The following SLC38A6 variants were observed in gnomAD, a reference collection of about 807,000 sequenced individuals.
SLC38A6 encodes N system amino acid transporter NAT-1.
Under a neutral mutation model 65.0 loss-of-function variants are expected in SLC38A6, and 73 were observed. The observed-to-expected ratio is 1.12, with a 90% CI of 0.93 to 1.37. The LOEUF (loss-of-function observed/expected upper bound fraction) is 1.37. SLC38A6 is among the 40% of genes most tolerant of loss of function. The pLI, the probability that SLC38A6 is intolerant of heterozygous loss-of-function variation, is 0.00. For synonymous variants in SLC38A6, 183 were observed against 178.8 expected (o/e 1.02, Z -0.19); for missense variants, 561 against 531.1 (o/e 1.06, Z -0.55).
chr14:61,021,174 C>T (rs2040325875), intron 5 of SLC38A6, among the ~76,000 whole-genome samples: 1 of 152,104 alleles, frequency 6.6e-6, no homozygotes, highest in Non-Finnish European at 1.5e-5. Context: ...ACTCCCAGCA[C>T]CTATTACACC....
intron 3 of SLC38A6, among the ~76,000 whole-genome samples, chr14:60,986,383 G>A (rs2037450902): frequency 6.6e-6 from 1 of 152,190 alleles, no homozygotes; most frequent in Non-Finnish European, 1.5e-5. Flanking sequence ...ACTTGTACCA[G>A]TGCTTTGGCC....
chr14:61,027,228 TAA>T (rs2040658643), intron 5 of SLC38A6, among the ~76,000 whole-genome samples: 1 of 152,182 alleles, frequency 6.6e-6, no homozygotes, highest in Non-Finnish European at 1.5e-5. Flanking sequence ...CCTATTTAGT[TAA>T]TGTGCTAAAA....
At chr14:61,023,071 T>G (rs1413425909) in intron 5 of SLC38A6, among the ~76,000 whole-genome samples, 3 of 152,206 alleles carry the variant, frequency 2.0e-5, no homozygotes, top group Non-Finnish European at 4.4e-5. Flanking sequence ...ATAAGTAGTA[T>G]TTGTTGAATG....
intron 15 of SLC38A6, among the ~76,000 whole-genome samples, chr14:61,070,167 G>A (rs1050876355): frequency 1.1e-4 from 16 of 152,100 alleles, no homozygotes; most frequent in African/African-American, 2.7e-4. Context: ...TTTTTCATCC[G>A]GCATGACTAA....
downstream of SLC38A6, among the ~76,000 whole-genome samples, chr14:61,053,865 CTT>C (rs1037011040): frequency 1.3e-5 from 2 of 151,946 alleles, no homozygotes; most frequent in African/African-American, 4.8e-5. Flanking sequence ...TGCAGAAGCT[CTT>C]AAGTTTAATT....
rs146465480 is a variant in SLC38A6, at chr14:60,982,178, A to C, written c.106-330A>C. On this transcript the variant is annotated intron_variant, in intron 1 of 15. Coordinates refer to ENST00000267488, the MANE Select transcript of SLC38A6 (RefSeq NM_153811.3). ...AATTCTTTAGTAATCACATGAGCTGAGGCCTTATCCCTCCTCTCTCTCCCC... is the reference window on the plus strand; with the variant it reads ...AATTCTTTAGTAATCACATGAGCTGCGGCCTTATCCCTCCTCTCTCTCCCC... 252 of 468,404 alleles carry C rather than the reference A, an allele frequency of 5.4e-4. 1 individual carries two copies. The highest frequency in any genetic ancestry group is 4.7e-3 in the African/African-American group (238 of 50,710). The allele number at this position is 468,404 out of a possible 1,614,324, so 29.0% of individuals were successfully genotyped here.
At chr14:61,042,561 G>T (rs574971472) in intron 8 of SLC38A6, among the ~76,000 whole-genome samples, 74 of 151,600 alleles carry the variant, frequency 4.9e-4, no homozygotes, top group African/African-American at 1.4e-3. Context: ...TGTTTTTTTT[G>T]TTTGTTTGTT....
rs1435747640 is a variant in SLC38A6 at position 61,083,395 on chromosome 14, A to G, written c.1409-160A>G. 2.0e-5 allele frequency among the ~76,000 whole-genome samples: 3 copies of G among 152,146 alleles called. No homozygotes were observed. The East Asian group carries it at 5.8e-4, about 29-fold the overall frequency. The stretch of plus-strand genomic sequence containing the variant: ...CCTTCATTGCTATTAGCTGTTATGC[A>G]CTCAATTGTGTTCCAACCCCAAATT... On this transcript the variant is annotated intron_variant, in intron 16 of 16. Coordinates refer to the SLC38A6 transcript ENST00000354886.
At chr14:60,997,779 T>A (rs2038399545) in intron 3 of SLC38A6, among the ~76,000 whole-genome samples, 1 of 152,138 alleles carries the variant, frequency 6.6e-6, no homozygotes, top group Non-Finnish European at 1.5e-5. Context: ...AAAGGAGAAG[T>A]AGATGTCTGG....
chr14:61,037,265 T>C (rs2041457677), intron 7 of SLC38A6, 124 bp downstream of exon 7: 2 of 682,562 alleles, frequency 2.9e-6, no homozygotes, highest in Non-Finnish European at 4.8e-6. Context: ...AGGATGGTGG[T>C]TGTGTATAAT....
At chr14:61,063,725 G>A (rs1363870776) in intron 15 of SLC38A6, among the ~76,000 whole-genome samples, 1 of 152,010 alleles carries the variant, frequency 6.6e-6, no homozygotes, top group Non-Finnish European at 1.5e-5. Flanking sequence ...AGCAACTGGA[G>A]AACAGTGTAG....
At position 61,051,932 on chromosome 14, in the gene SLC38A6, G is replaced by A; in HGVS notation, c.1195+1G>A. ...ATTAGAAATGTATTTGGTGTAGTTG[G>A]TAAGTTTTCTGTTTCAAAAAGTTCA... On this transcript the variant is annotated splice_donor_variant, in intron 14 of 15. Transcript: ENST00000267488. LOFTEE classifies it high-confidence loss of function. 1.2e-6 allele frequency: 2 copies of A among 1,605,820 alleles called. No homozygotes were observed. The highest frequency in any genetic ancestry group is 8.5e-7 in the Non-Finnish European group (1 of 1,177,812).
At chr14:61,075,692 C>G (rs1252774401) in intron 15 of SLC38A6, among the ~76,000 whole-genome samples, 3 of 151,976 alleles carry the variant, frequency 2.0e-5, no homozygotes, top group Admixed American at 2.0e-4. Flanking sequence ...AACATTTCCC[C>G]TTACGGTCAT....
Position 61,037,680 on chromosome 14 carries a change from T to C in SLC38A6, c.621T>C (p.Leu207=). 6.3e-7 allele frequency: 1 copy of C among 1,581,008 alleles called. No individual in the cohort carries two copies. Among genetic ancestry groups the C allele is most frequent in the Non-Finnish European group, 8.6e-7 (1 of 1,156,468 alleles). The change falls in exon 8 of 16, where the codon CTT becomes CTC. Residue 207 remains leucine, a synonymous_variant. Coordinates refer to ENST00000267488, the MANE Select transcript of SLC38A6 (RefSeq NM_153811.3). ...LSFFFMMFFA[L]VVIIKKWSIP... Reference sequence around the variant, plus strand: ...TTTTCTTTATGATGTTCTTTGCTCTTGTGGTAAGTTTAAAATATAATACAT... The same window carrying C: ...TTTTCTTTATGATGTTCTTTGCTCTCGTGGTAAGTTTAAAATATAATACAT...
At chr14:61,010,464 A>G (rs1255006287) in intron 3 of SLC38A6, among the ~76,000 whole-genome samples, 1 of 152,212 alleles carries the variant, frequency 6.6e-6, no homozygotes. Context: ...GCCCATGCCT[A>G]TGTCCTGAAT....
At chr14:61,010,069 C>T (rs2039440114) in intron 3 of SLC38A6, among the ~76,000 whole-genome samples, 1 of 152,188 alleles carries the variant, frequency 6.6e-6, no homozygotes, top group Non-Finnish European at 1.5e-5. Flanking sequence ...TTAATGATTG[C>T]CATTCTAACT....
intron 3 of SLC38A6, among the ~76,000 whole-genome samples, chr14:61,010,466 G>A (rs1289746943): frequency 2.6e-5 from 4 of 152,198 alleles, no homozygotes; most frequent in Admixed American, 6.5e-5. Flanking sequence ...CCATGCCTAT[G>A]TCCTGAATGG....
At chr14:60,994,933 G>A (rs2038170868) in intron 3 of SLC38A6, among the ~76,000 whole-genome samples, 1 of 149,620 alleles carries the variant, frequency 6.7e-6, no homozygotes, top group South Asian at 2.1e-4. Flanking sequence ...CAACCCAGGT[G>A]ATGGAGGTTG....
intron 16 of SLC38A6, among the ~76,000 whole-genome samples, chr14:61,082,599 G>A (rs2043700182): frequency 6.6e-6 from 1 of 152,150 alleles, no homozygotes; most frequent in African/African-American, 2.4e-5. Flanking sequence ...ATTCCTGTTT[G>A]CTTGACTGAA....
Sources: gnomAD v4.1 joint callset for allele counts (sites outside exome capture counted in the v4.1 genomes callset) on GRCh38, gnomAD v4.1.1 for gene constraint, MANE v1.5 for transcripts, NCBI Gene and HGNC (gene_info 2026-07-23, HGNC 2026-07-21) for gene names.